The following TPM4 variants were observed in gnomAD, a reference collection of about 807,000 sequenced individuals.
TPM4 encodes the protein tropomyosin 4, also known as tropomyosin alpha-4 chain.
TPM4 carries 17 observed loss-of-function variants against 35.8 expected under a neutral mutation model. The observed-to-expected ratio is 0.47, with a 90% CI of 0.32 to 0.71. The LOEUF is 0.71. TPM4 is among the 30% of genes least tolerant of loss of function. The pLI, the probability that TPM4 is intolerant of heterozygous loss-of-function variation, is 0.03. For missense variants in TPM4, 240 were observed against 320.9 expected (o/e 0.75, Z 1.93); for synonymous variants, 120 against 122.9 (o/e 0.98, Z 0.15).
At chr19:16,086,337 GA>G (rs1272010313) in intron 2 of TPM4, 85 bp from the exon 3 acceptor site, 1 of 1,231,758 alleles carries the variant, frequency 8.1e-7, no homozygotes, top group Non-Finnish European at 1.2e-6. Context: ...ATGACAGAGC[GA>G]GACTCCATCT....
chr19:16,089,494 G>A (rs2090599636), intron 5 of TPM4, among the ~76,000 whole-genome samples: 1 of 152,158 alleles, frequency 6.6e-6, no homozygotes, highest in Non-Finnish European at 1.5e-5. Context: ...GTGGAATTGG[G>A]CTTTTTAGTT....
Position 16,067,581 on chromosome 19 carries a change from A to G in TPM4, c.-44A>G, listed in dbSNP as rs1426008482. 1.3e-6 allele frequency: 2 copies of G among 1,573,226 alleles called. No individual in the cohort carries two copies. The highest frequency in any genetic ancestry group is 1.7e-5 in the Admixed American group (1 of 57,732). ...AGCCCCTGACTGCCGCAGCCCCCAC[A>G]GAGCCCGCCGCGCACCCCACGTCCC... On this transcript the variant is annotated 5_prime_UTR_variant, in exon 2 of 3. Transcript: ENST00000589897. This position sits in a 1 kb window ranked among gnomAD's most constrained non-coding sequence, Gnocchi z 4.1.
upstream of TPM4, chr19:16,076,094 G>A (rs769348137): frequency 1.9e-6 from 3 of 1,606,314 alleles, no homozygotes; most frequent in Non-Finnish European, 2.5e-6. Flanking sequence ...AAGGGACAGA[G>A]GACGAGCTGG....
intron 1 of TPM4, 95 bp downstream of exon 1, chr19:16,076,792 T>G (rs943567940): frequency 3.1e-6 from 4 of 1,269,982 alleles, no homozygotes; most frequent in Non-Finnish European, 4.0e-6. Context: ...CCGCGCGCAG[T>G]CCTCGGGCCG....
intron 2 of TPM4, among the ~76,000 whole-genome samples, chr19:16,069,797 T>C (rs2090338864): frequency 6.6e-6 from 1 of 151,960 alleles, no homozygotes; most frequent in African/African-American, 2.4e-5. Context: ...TGTGTGTGAA[T>C]GAGTGTGTGT....
chr19:16,091,990 C>G (rs776300162), intron 5 of TPM4, among the ~76,000 whole-genome samples: 18 of 150,674 alleles, frequency 1.2e-4, no homozygotes, highest in African/African-American at 4.2e-4. Context: ...GCCATCGTAG[C>G]GAAACCCCAT....
chr19:16,077,995 G>T, intron 1 of TPM4: 3 of 387,626 alleles, frequency 7.7e-6, no homozygotes, highest in South Asian at 2.7e-4. Context: ...GGCTGGTCTC[G>T]AACTCCTGAC....
At chr19:16,095,589 A>G in intron 7 of TPM4, 1 of 1,012,226 alleles carries the variant, frequency 9.9e-7, no homozygotes, top group Non-Finnish European at 1.2e-6. Context: ...CCTGAAACAC[A>G]AAGTGGGTGG....
upstream of TPM4, chr19:16,076,481 G>T: frequency 7.5e-7 from 1 of 1,330,720 alleles, no homozygotes; most frequent in Admixed American, 4.2e-5. Context: ...GGCTTGGGGG[G>T]CCGGGGCGCG....
intron 2 of TPM4, among the ~76,000 whole-genome samples, chr19:16,085,707 G>T (rs768685252): frequency 3.9e-5 from 6 of 152,170 alleles, no homozygotes; most frequent in Non-Finnish European, 8.8e-5. Context: ...TTTGTAAAAT[G>T]TGGATAATTT....
chr19:16,068,093 G>A (rs2090316138), intron 2 of TPM4: 1 of 363,876 alleles, frequency 2.7e-6, no homozygotes, highest in African/African-American at 2.1e-5. Context: ...GTATTTGCGT[G>A]TGTTTGAGCG....
chr19:16,094,855 TCAGA>T (rs2090674789), intron 7 of TPM4, among the ~76,000 whole-genome samples: 1 of 152,182 alleles, frequency 6.6e-6, no homozygotes, highest in African/African-American at 2.4e-5. Context: ...GACACATTCT[TCAGA>T]CCATATCTTC....
At chr19:16,077,841 A>G in intron 1 of TPM4, 1 of 262,650 alleles carries the variant, frequency 3.8e-6, no homozygotes, top group Non-Finnish European at 7.1e-6. Flanking sequence ...GGCTCGCTGC[A>G]ACCTCCACCC....
chr19:16,082,075 C>T (rs1490578334), intron 2 of TPM4, 29 bp downstream of exon 2: 3 of 1,581,074 alleles, frequency 1.9e-6, no homozygotes, highest in South Asian at 2.2e-5. Flanking sequence ...TGGTGGCATC[C>T]GTGTTTGCTT....
At chr19:16,095,268 G>T in intron 7 of TPM4, 1 of 1,024,932 alleles carries the variant, frequency 9.8e-7, no homozygotes, top group Non-Finnish European at 1.2e-6. Context: ...CTCTAGATGA[G>T]TTATACGCTC....
At chr19:16,086,744 A>C (rs145712447) in intron 3 of TPM4, among the ~76,000 whole-genome samples, 1 of 152,288 alleles carries the variant, frequency 6.6e-6, no homozygotes, top group Non-Finnish European at 1.5e-5. Context: ...CGCTTGTCTA[A>C]CGTAATGGGA....
chr19:16,081,784 C>CTA, intron 1 of TPM4, 129 bp from the exon 2 acceptor site: 1 of 1,270,392 alleles, frequency 7.9e-7, no homozygotes, highest in East Asian at 2.4e-5. Context: ...TGTAAATTCC[C>CTA]TATGGCCTGG....
At chr19:16,080,807 T>A in intron 1 of TPM4, 1 of 364,434 alleles carries the variant, frequency 2.7e-6, no homozygotes, top group Non-Finnish European at 4.9e-6. Flanking sequence ...AGACTCCATC[T>A]CAAAAAAAAA....
chr19:16,067,616 C>T lies in TPM4; in HGVS notation c.-9C>T, dbSNP rs753129956. 2 of 1,611,748 alleles carry T rather than the reference C, an allele frequency of 1.2e-6. No individual in the cohort carries two copies. The highest frequency in any genetic ancestry group is 2.2e-5 in the South Asian group (2 of 90,938). ...GCGCACCCCACGTCCCCCACGCCAG[C>T]GCCCAGCCATGGAGGCCATCAAGAA... On this transcript the variant is annotated 5_prime_UTR_variant, in exon 2 of 3. Transcript: ENST00000589897. The surrounding 1 kb of genome is among the most constrained non-coding windows in gnomAD (Gnocchi z 4.1).
Sources: gnomAD v4.1 joint callset for allele counts (sites outside exome capture counted in the v4.1 genomes callset) on GRCh38, gnomAD v4.1.1 for gene constraint, Gnocchi (gnomAD v3.1) non-coding constraint, MANE v1.5 for transcripts, NCBI Gene and HGNC (gene_info 2026-07-23, HGNC 2026-07-21) for gene names.